The following ADGRL2 variants were observed in gnomAD, a reference collection of about 807,000 sequenced individuals.
The protein encoded by ADGRL2 is adhesion G protein-coupled receptor L2.
A neutral mutation model predicts 157.4 loss-of-function variants in ADGRL2; 44 were observed. The ratio of observed to expected loss-of-function variants is 0.28; its 90% CI spans 0.22 to 0.36. The LOEUF (loss-of-function observed/expected upper bound fraction) is 0.36. Among genes scored for constraint, ADGRL2 ranks in the 10% least tolerant of loss-of-function variants. The pLI is 1.00. For synonymous variants in ADGRL2, 585 were observed against 624.7 expected (o/e 0.94, Z 0.95); for missense variants, 1,510 against 1,768.9 (o/e 0.85, Z 2.63).
intron 6 of ADGRL2, among the ~76,000 whole-genome samples, chr1:81,944,718 T>A (rs1441984053): frequency 6.6e-6 from 1 of 152,036 alleles, no homozygotes; most frequent in Non-Finnish European, 1.5e-5. Context: ...AGAAAGTTCT[T>A]TGGAGTGATT....
chr1:81,437,620 T>C (rs2077433160), intron 1 of ADGRL2, among the ~76,000 whole-genome samples: 1 of 152,186 alleles, frequency 6.6e-6, no homozygotes, highest in Non-Finnish European at 1.5e-5. Context: ...CCCTCTCTAT[T>C]ATCATTTATG....
chr1:81,538,819 A>G (rs2079809278), intron 2 of ADGRL2, among the ~76,000 whole-genome samples: 1 of 152,114 alleles, frequency 6.6e-6, no homozygotes, highest in African/African-American at 2.4e-5. Context: ...AGCCTTGGCA[A>G]CATGACAAAA....
At chr1:81,605,286 A>G (rs1186962907) in intron 3 of ADGRL2, among the ~76,000 whole-genome samples, 1 of 152,176 alleles carries the variant, frequency 6.6e-6, no homozygotes, top group African/African-American at 2.4e-5. Context: ...TGTCAAGTCA[A>G]GAGAGAGAAA....
chr1:81,410,564 A>G (rs1034368642), intron 1 of ADGRL2, among the ~76,000 whole-genome samples: 13 of 152,200 alleles, frequency 8.5e-5, no homozygotes, highest in Non-Finnish European at 1.6e-4. Flanking sequence ...CATAGAAGCT[A>G]TGCCAGCCTG....
intron 1 of ADGRL2, among the ~76,000 whole-genome samples, chr1:81,331,927 A>T (rs1661293206): frequency 6.6e-6 from 1 of 152,150 alleles, no homozygotes; most frequent in Admixed American, 6.6e-5. Flanking sequence ...TTTAGAAAGC[A>T]CAAAAAAATT....
intron 2 of ADGRL2, among the ~76,000 whole-genome samples, chr1:81,469,445 CTTCT>C (rs1351131107): frequency 1.3e-5 from 2 of 152,140 alleles, no homozygotes; most frequent in Non-Finnish European, 2.9e-5. Flanking sequence ...CCACTCTCAA[CTTCT>C]TTCTTATTTT....
chr1:81,918,201 C>A (rs192705358), intron 3 of ADGRL2, among the ~76,000 whole-genome samples: 1 of 152,080 alleles, frequency 6.6e-6, no homozygotes, highest in Non-Finnish European at 1.5e-5. Context: ...AAGAAATGGC[C>A]TCTAGAAATA....
intron 3 of ADGRL2, among the ~76,000 whole-genome samples, chr1:81,629,159 T>C (rs916120195): frequency 2.0e-5 from 3 of 152,198 alleles, no homozygotes; most frequent in African/African-American, 7.2e-5. Flanking sequence ...GCTTCATTTA[T>C]TGACTTTTAC....
chr1:81,797,465 C>A (rs927721927), upstream of ADGRL2, among the ~76,000 whole-genome samples: 1 of 152,174 alleles, frequency 6.6e-6, no homozygotes, highest in Non-Finnish European at 1.5e-5. Context: ...AGCCTCAATA[C>A]CTCTTCCCTT....
intron 1 of ADGRL2, among the ~76,000 whole-genome samples, chr1:81,422,920 G>A (rs10874241): frequency 0.94 from 143,458 of 152,274 alleles, 67,967 homozygotes; most frequent in Non-Finnish European, 0.99. Flanking sequence ...GTTGTGTTTC[G>A]TGTTTCCTAC....
intron 2 of ADGRL2, among the ~76,000 whole-genome samples, chr1:81,853,340 C>G (rs1314766549): frequency 6.6e-6 from 1 of 152,100 alleles, no homozygotes; most frequent in Non-Finnish European, 1.5e-5. Flanking sequence ...GAATACCTAG[C>G]AGGACAATGT....
chr1:81,639,145 C>T (rs1305516638), intron 3 of ADGRL2, among the ~76,000 whole-genome samples: 1 of 152,230 alleles, frequency 6.6e-6, no homozygotes, highest in Non-Finnish European at 1.5e-5. Flanking sequence ...TCTCAGCTCA[C>T]TTCAACCTCC....
chr1:81,513,049 G>A (rs919000161), intron 2 of ADGRL2, among the ~76,000 whole-genome samples: 1 of 152,016 alleles, frequency 6.6e-6, no homozygotes, highest in Non-Finnish European at 1.5e-5. Flanking sequence ...AAAAATAAAT[G>A]TATATTTTTT....
At chr1:81,939,478 T>A (rs1572242897) in intron 4 of ADGRL2, among the ~76,000 whole-genome samples, 1 of 151,684 alleles carries the variant, frequency 6.6e-6, no homozygotes, top group African/African-American at 2.4e-5. Flanking sequence ...CCACAAATTT[T>A]ATTTAGTATG....
chr1:81,531,278 A>C (rs2079591911), intron 2 of ADGRL2, among the ~76,000 whole-genome samples: 1 of 152,178 alleles, frequency 6.6e-6, no homozygotes, highest in Admixed American at 6.5e-5. Flanking sequence ...TCACAGGAAA[A>C]ATCAACATAA....
At chr1:81,564,783 A>G (rs1331624834) in intron 2 of ADGRL2, among the ~76,000 whole-genome samples, 1 of 152,182 alleles carries the variant, frequency 6.6e-6, no homozygotes, top group African/African-American at 2.4e-5. Context: ...TGCCCACCAC[A>G]GTCAAGAAAG....
intron 1 of ADGRL2, among the ~76,000 whole-genome samples, chr1:81,374,886 T>C (rs938855249): frequency 1.3e-5 from 2 of 152,184 alleles, no homozygotes; most frequent in Admixed American, 6.5e-5. Flanking sequence ...TGCAAGACAG[T>C]ACTGAAGACA....
chr1:81,725,347 G>A (rs1013201731), intron 1 of ADGRL2, among the ~76,000 whole-genome samples: 2 of 151,822 alleles, frequency 1.3e-5, no homozygotes, highest in African/African-American at 4.8e-5. Context: ...AGACCAGTCT[G>A]GCCAACATAG....
Position 81,912,639 on chromosome 1 carries a change from C to G in ADGRL2, c.287+5409C>G, listed in dbSNP as rs558749786. Among the ~76,000 whole-genome samples, 5 of 152,082 alleles carry G rather than the reference C, an allele frequency of 3.3e-5. No individual in the cohort carries two copies. In the South Asian group the frequency reaches 1.0e-3, roughly 32 times the overall value. ...GTACGCAAAACCTGCTAGACAACAT[C>G]TGCATTTGAGGAGCAGAGGTAAAAT... On this transcript the variant is annotated intron_variant, in intron 3 of 23. Coordinates refer to ENST00000686636, the MANE Select transcript of ADGRL2 (RefSeq NM_001366006.2).
Sources: gnomAD v4.1 joint callset for allele counts (sites outside exome capture counted in the v4.1 genomes callset) on GRCh38, gnomAD v4.1.1 for gene constraint, MANE v1.5 for transcripts, NCBI Gene and HGNC (gene_info 2026-07-23, HGNC 2026-07-21) for gene names.